The following WDR27 variants were observed in gnomAD, a reference collection of about 807,000 sequenced individuals.
WDR27 encodes the protein WD repeat-containing protein 27.
Under a neutral mutation model 114.4 loss-of-function variants are expected in WDR27, and 100 were observed. The ratio of observed to expected loss-of-function variants is 0.87; its 90% CI spans 0.74 to 1.03. The LOEUF is 1.03. Ranked by LOEUF, WDR27 falls within the 50% of genes least tolerant of loss-of-function variation. The pLI, the probability that WDR27 is intolerant of heterozygous loss-of-function variation, is 0.00. For missense variants in WDR27, 1,129 were observed against 1,092.9 expected (o/e 1.03, Z -0.47); for synonymous variants, 449 against 423.1 (o/e 1.06, Z -0.75).
chr6:169,694,259 C>T (rs1017185025), intron 1 of WDR27, among the ~76,000 whole-genome samples: 1 of 152,032 alleles, frequency 6.6e-6, no homozygotes, highest in Admixed American at 6.6e-5. Context: ...TGCAGTGAGC[C>T]GAGATTGCGC....
chr6:169,470,055 T>C (rs1253407212), intron 25 of WDR27, among the ~76,000 whole-genome samples: 1 of 152,190 alleles, frequency 6.6e-6, no homozygotes, highest in Non-Finnish European at 1.5e-5. Flanking sequence ...AATATCCAAT[T>C]CCATTGCTCA....
In WDR27 at chr6:169,660,686, A is replaced by G. The variant is rs758529194; in HGVS notation, c.1106T>C (p.Val369Ala). 5 of 1,613,954 alleles carry G rather than the reference A, an allele frequency of 3.1e-6. No homozygotes were observed. In the South Asian group the frequency reaches 3.3e-5, roughly 11 times the overall value. ...LFVFNLANLE[V>A]EAALYYKDFQ... is the part of the protein sequence containing the mutation. ...ACCCTTGTAATACAAAGCAGCTTCC[A>G]CTTCCAGGTTTGCCAGGTTAAATAC... The change falls in exon 10 of 26, where the codon GTG (valine) becomes GCG (alanine). Residue 369 changes from valine (V) to alanine (A), a missense_variant. By Grantham distance (64) the Val-to-Ala change is moderately conservative (BLOSUM62 0). Transcript: ENST00000448612.
intron 21 of WDR27, among the ~76,000 whole-genome samples, chr6:169,625,511 A>AGCTGGCG (rs1453903003): frequency 6.6e-6 from 1 of 152,232 alleles, no homozygotes; most frequent in African/African-American, 2.4e-5. Flanking sequence ...GACAGAGTGC[A>AGCTGGCG]GCTGGCGGAC....
chr6:169,505,687 T>C (rs1202727418), intron 25 of WDR27, among the ~76,000 whole-genome samples: 2 of 152,214 alleles, frequency 1.3e-5, no homozygotes, highest in East Asian at 1.9e-4. Flanking sequence ...CTCAACTGCG[T>C]AGAAGGCACA....
chr6:169,534,718 T>A (rs967490362), intron 25 of WDR27, among the ~76,000 whole-genome samples: 5 of 151,906 alleles, frequency 3.3e-5, no homozygotes, highest in Admixed American at 6.6e-5. Context: ...AAAATCTCTA[T>A]AAAGTTGGTG....
chr6:169,620,482 C>T (rs1031927632), intron 21 of WDR27, among the ~76,000 whole-genome samples: 35 of 152,254 alleles, frequency 2.3e-4, no homozygotes, highest in African/African-American at 8.4e-4. Flanking sequence ...AATGATGATT[C>T]ACTGAGCTAG....
chr6:169,562,163 G>A (rs779207520), intron 25 of WDR27, among the ~76,000 whole-genome samples: 5 of 152,156 alleles, frequency 3.3e-5, no homozygotes, highest in Admixed American at 2.0e-4. Context: ...ACATAAGGAC[G>A]CGGAAGACTT....
At chr6:169,456,938 C>G (rs767180911), downstream of WDR27, among the ~76,000 whole-genome samples, 18 of 150,920 alleles carry the variant, frequency 1.2e-4, no homozygotes, top group Non-Finnish European at 1.8e-4. This position sits in a 1 kb window ranked among gnomAD's most constrained non-coding sequence, Gnocchi z 4.0. Context: ...AACCCACAGG[C>G]AGAGGCCACA....
chr6:169,473,862 C>T (rs866317139), intron 25 of WDR27, among the ~76,000 whole-genome samples: 48 of 152,344 alleles, frequency 3.2e-4, no homozygotes, highest in Non-Finnish European at 3.5e-4. Context: ...GCAAAACAAA[C>T]AGCAACAAAA....
chr6:169,633,082 G>A lies in WDR27; in HGVS notation c.2102-14C>T, dbSNP rs763357790. ...CGAGTACGATGTCTGCGATAATCCA[G>A]TTAGGGAGCTCTTCTCAACACTCTT... On this transcript the variant is annotated splice_polypyrimidine_tract_variant and intron_variant, in intron 20 of 25. Transcript: ENST00000448612. The A allele has an allele frequency of 1.3e-6, 2 of 1,572,224 alleles. No homozygotes were observed. Among genetic ancestry groups the A allele is most frequent in the African/African-American group, 1.3e-5 (1 of 74,408 alleles).
chr6:169,436,083 T>A, the WDR27 span, among the ~76,000 whole-genome samples: 2 of 152,342 alleles, frequency 1.3e-5, no homozygotes, highest in South Asian at 4.1e-4. Context: ...ATGTTATATG[T>A]ATACATTTTT....
intron 22 of WDR27, among the ~76,000 whole-genome samples, chr6:169,611,434 T>G (rs1305770673): frequency 1.3e-5 from 2 of 151,548 alleles, no homozygotes; most frequent in African/African-American, 2.4e-5. Flanking sequence ...TCCTCCCAAG[T>G]AGGTGGGATT....
At chr6:169,638,696 CTATTAA>C (rs1263885749) in intron 17 of WDR27, 36 bp from the exon 18 acceptor site, 7 of 1,569,250 alleles carry the variant, frequency 4.5e-6, no homozygotes, top group Admixed American at 1.9e-5. Context: ...ACTATTTCTA[CTATTAA>C]TATCAGTTTT....
chr6:169,452,936 C>T (rs1199299178), downstream of WDR27, among the ~76,000 whole-genome samples: 2 of 152,218 alleles, frequency 1.3e-5, no homozygotes, highest in African/African-American at 4.8e-5. Flanking sequence ...TCTCCACAAG[C>T]AGCTGTGACC....
intron 25 of WDR27, among the ~76,000 whole-genome samples, chr6:169,501,636 G>A (rs1051948383): frequency 3.3e-5 from 5 of 152,222 alleles, no homozygotes; most frequent in African/African-American, 1.2e-4. Flanking sequence ...ACGAACTGTA[G>A]GACTCGCCTG....
In WDR27 at chr6:169,582,943, C is replaced by A; in HGVS notation, c.2425-9G>T. The A allele has an allele frequency of 6.2e-7, 1 of 1,613,024 alleles. No individual in the cohort carries two copies. The highest frequency in any genetic ancestry group is 8.5e-7 in the Non-Finnish European group (1 of 1,179,384). ...ATTTCATACACGTAAGCCTACAAGA[C>A]AAGATGAGCAGGTGTGCCATGTTAA... On this transcript the variant is annotated splice_polypyrimidine_tract_variant and intron_variant, in intron 23 of 25. Transcript: ENST00000448612.
intron 25 of WDR27, among the ~76,000 whole-genome samples, chr6:169,566,838 A>G (rs1280163807): frequency 6.6e-6 from 1 of 152,246 alleles, no homozygotes; most frequent in East Asian, 1.9e-4. Context: ...GACTAAGAAC[A>G]TGCACAGATG....
chr6:169,439,858 T>C, the WDR27 span, among the ~76,000 whole-genome samples: 1 of 148,314 alleles, frequency 6.7e-6, no homozygotes, highest in South Asian at 2.1e-4. Context: ...GTTAATTATA[T>C]TACCAATATT....
intron 3 of WDR27, chr6:169,671,617 G>C (rs1245490604): frequency 3.3e-5 from 5 of 152,252 alleles, no homozygotes; most frequent in Non-Finnish European, 7.3e-5. Flanking sequence ...CAAGCACACA[G>C]GCAGGTTCTC....
Sources: gnomAD v4.1 joint callset for allele counts (sites outside exome capture counted in the v4.1 genomes callset) on GRCh38, gnomAD v4.1.1 for gene constraint, Gnocchi (gnomAD v3.1) non-coding constraint, MANE v1.5 for transcripts, NCBI Gene and HGNC (gene_info 2026-07-23, HGNC 2026-07-21) for gene names.